CNIH3: variants seen among roughly 807,000 people sequenced by gnomAD.
The protein encoded by CNIH3 is protein cornichon homolog 3.
A neutral mutation model predicts 24.1 loss-of-function variants in CNIH3; 14 were observed. The ratio of observed to expected loss-of-function variants is 0.58; its 90% CI spans 0.38 to 0.91. CNIH3 has a LOEUF of 0.91. CNIH3 is among the 40% of genes least tolerant of loss of function. The pLI is 0.00. For synonymous variants in CNIH3, 68 were observed against 73.8 expected (o/e 0.92, Z 0.40); for missense variants, 178 against 196.8 (o/e 0.90, Z 0.57).
At chr1:224,627,632 G>A (rs1683602688) in intron 1 of CNIH3, among the ~76,000 whole-genome samples, 1 of 152,218 alleles carries the variant, frequency 6.6e-6, no homozygotes, top group African/African-American at 2.4e-5. Context: ...GCAGTGTGCA[G>A]TGGGTCCTGT....
downstream of CNIH3, among the ~76,000 whole-genome samples, chr1:224,588,983 T>TTTTTTTTTTGG (rs1681634452): frequency 6.6e-6 from 1 of 150,540 alleles, no homozygotes; most frequent in Non-Finnish European, 1.5e-5. Context: ...TTTTTTTTTT[T>TTTTTTTTTTGG]GGAGCCATTT....
At chr1:224,631,568 T>C (rs1683821112) in intron 1 of CNIH3, among the ~76,000 whole-genome samples, 2 of 152,198 alleles carry the variant, frequency 1.3e-5, no homozygotes, top group Admixed American at 1.3e-4. Context: ...TTATTCCTTT[T>C]CTTGTGCATA....
At position 224,727,485 on chromosome 1, in the gene CNIH3, C is replaced by T. The variant is rs1256933876; in HGVS notation, c.199-2977C>T. Among the ~76,000 whole-genome samples the T allele has an allele frequency of 3.9e-5, 6 of 152,138 alleles. 1 individual carries two copies. The highest frequency in any genetic ancestry group is 7.2e-5 in the African/African-American group (3 of 41,416). On this transcript the variant is annotated intron_variant, in intron 3 of 5. Transcript: ENST00000272133. Reference sequence around the variant, plus strand: ...AGACTCTGGAGAATTTTGTATCAGCCGTTAAGTGGTCTGGCCTTCTCTCCA... The same window carrying T: ...AGACTCTGGAGAATTTTGTATCAGCTGTTAAGTGGTCTGGCCTTCTCTCCA...
At chr1:224,635,398 T>G (rs1684041379) in intron 1 of CNIH3, among the ~76,000 whole-genome samples, 1 of 152,230 alleles carries the variant, frequency 6.6e-6, no homozygotes, top group Non-Finnish European at 1.5e-5. Context: ...TGCTGTGTGC[T>G]GGCACCTCTG....
intron 1 of CNIH3, among the ~76,000 whole-genome samples, chr1:224,508,292 G>A (rs1444328587): frequency 1.3e-5 from 2 of 152,174 alleles, no homozygotes; most frequent in East Asian, 3.8e-4. Context: ...CTCACAACAT[G>A]GCACAGGCTC....
intron 1 of CNIH3, among the ~76,000 whole-genome samples, chr1:224,516,053 AC>A (rs1678366435): frequency 2.0e-5 from 3 of 152,052 alleles, no homozygotes. Flanking sequence ...GCGGTGGCTT[AC>A]CCCTGTAATC....
chr1:224,636,697 C>T (rs74146215), intron 1 of CNIH3, among the ~76,000 whole-genome samples: 3,448 of 152,264 alleles, frequency 0.023, 104 homozygotes, highest in African/African-American at 0.076. Context: ...ATTCCTACTT[C>T]CTCCACAACT....
In CNIH3 at chr1:224,694,151, G is replaced by T. The variant is rs79222070; in HGVS notation, c.198+9308G>T. The stretch of plus-strand genomic sequence containing the variant: ...AGCAGACAGATGTTGCCAGCTGCCA[G>T]CTCCTTTGCAGACAGCCCAGGATGA... On this transcript the variant is annotated intron_variant, in intron 3 of 5. Coordinates refer to ENST00000272133, the MANE Select transcript of CNIH3 (RefSeq NM_152495.2). 3.3e-5 allele frequency among the ~76,000 whole-genome samples: 5 copies of T among 152,376 alleles called. No individual in the cohort carries two copies. In the East Asian group the frequency reaches 9.6e-4, roughly 29 times the overall value.
intron 1 of CNIH3, chr1:224,435,101 A>T: frequency 1.0e-6 from 1 of 985,726 alleles, no homozygotes; most frequent in Non-Finnish European, 1.2e-6. Flanking sequence ...GGGATGGCAG[A>T]GTTGGCGTGC....
chr1:224,497,924 T>C (rs553067255), intron 1 of CNIH3, among the ~76,000 whole-genome samples: 55 of 152,350 alleles, frequency 3.6e-4, no homozygotes, highest in Non-Finnish European at 6.2e-4. Context: ...AAGTGATTAG[T>C]ATTTTCCAAA....
chr1:224,588,968 G>GTTTTTTTTTT (rs974335950), downstream of CNIH3, among the ~76,000 whole-genome samples: 2,021 of 111,896 alleles, frequency 0.018, 68 homozygotes, highest in East Asian at 0.05. Context: ...CTGACCCCCT[G>GTTTTTTTTTT]TTTTTTTTTT....
chr1:224,536,357 T>C (rs1430108809), intron 2 of CNIH3, among the ~76,000 whole-genome samples: 1 of 146,656 alleles, frequency 6.8e-6, no homozygotes, highest in African/African-American at 2.6e-5. Context: ...AATGGCGTGA[T>C]CTCAGCTCAC....
intron 3 of CNIH3, among the ~76,000 whole-genome samples, chr1:224,722,947 A>G (rs1014567224): frequency 1.3e-5 from 2 of 152,192 alleles, no homozygotes; most frequent in East Asian, 3.9e-4. Flanking sequence ...TCTTGGATCA[A>G]AGCAGGAGAA....
At chr1:224,522,115 T>C (rs1678659696) in intron 2 of CNIH3, among the ~76,000 whole-genome samples, 1 of 152,204 alleles carries the variant, frequency 6.6e-6, no homozygotes, top group Admixed American at 6.5e-5. Flanking sequence ...AAGTACTTGA[T>C]AGAACTTGTC....
At chr1:224,722,342 C>T (rs1688765135) in intron 3 of CNIH3, among the ~76,000 whole-genome samples, 1 of 152,164 alleles carries the variant, frequency 6.6e-6, no homozygotes, top group South Asian at 2.1e-4. Context: ...TCTAAAGAGT[C>T]TAGAGTGGAA....
chr1:224,723,093 C>T (rs577729921), intron 3 of CNIH3, among the ~76,000 whole-genome samples: 1 of 152,292 alleles, frequency 6.6e-6, no homozygotes, highest in Admixed American at 6.5e-5. Context: ...TGGTCAGTGT[C>T]AGTCAGGCTG....
chr1:224,546,830 G>A (rs1322719543), exon 3 of CNIH3: 1 of 908,444 alleles, frequency 1.1e-6, no homozygotes, highest in Non-Finnish European at 1.3e-6. Flanking sequence ...GTCCTCCAGT[G>A]ATCCTCATGG....
At chr1:224,474,854 C>G (rs955891160) in intron 1 of CNIH3, among the ~76,000 whole-genome samples, 2 of 145,006 alleles carry the variant, frequency 1.4e-5, no homozygotes, top group South Asian at 4.5e-4. Flanking sequence ...GGTGAAACCC[C>G]GTCTCTACTA....
intron 1 of CNIH3, among the ~76,000 whole-genome samples, chr1:224,630,557 A>G (rs1038897030): frequency 1.3e-5 from 2 of 152,172 alleles, no homozygotes; most frequent in African/African-American, 2.4e-5. Context: ...TCCCACACTT[A>G]CCTGGCCATA....
Sources: allele counts gnomAD v4.1 joint callset (sites outside exome capture counted in the v4.1 genomes callset), GRCh38; gene constraint gnomAD v4.1.1; transcripts MANE v1.5; gene names NCBI Gene and HGNC (gene_info 2026-07-23, HGNC 2026-07-21).